The following TEX11 variants were observed in gnomAD, a reference collection of about 807,000 sequenced individuals.
The protein encoded by TEX11 is testis expressed 11, also known as testis-expressed protein 11.
Under a neutral mutation model 84.4 loss-of-function variants are expected in TEX11, and 7 were observed. That is an observed-to-expected ratio of 0.08 (90% CI 0.05 to 0.16). TEX11 has a LOEUF of 0.16. Ranked by LOEUF, TEX11 falls within the 10% of genes least tolerant of loss-of-function variation. The pLI is 1.00. For missense variants in TEX11, 551 were observed against 660.5 expected, an observed-to-expected ratio of 0.83 and a Z score of 1.82; for synonymous variants, 264 against 222.8, an observed-to-expected ratio of 1.18 and a Z score of -1.64.
chrX:70,779,186 G>C (rs2091020738), intron 9 of TEX11, among the ~76,000 whole-genome samples: 1 of 110,975 alleles, frequency 9.0e-6, no homozygotes, highest in Non-Finnish European at 1.9e-5. Context: ...GGAGGCCGAG[G>C]TGGGTGGATC....
chrX:70,624,087 C>T, intron 19 of TEX11, 81 bp from the exon 20 acceptor site: 1 of 726,518 alleles, frequency 1.4e-6, no homozygotes, highest in Non-Finnish European at 2.0e-6. Context: ...AGTTACTAAC[C>T]TTGATTACTC....
intron 9 of TEX11, among the ~76,000 whole-genome samples, chrX:70,782,894 C>A (rs1316519783): frequency 9.0e-6 from 1 of 110,572 alleles, no homozygotes; most frequent in East Asian, 2.8e-4. Context: ...GACTTTAACA[C>A]CCCACTGTCA....
chrX:70,566,584 AC>A (rs2088483651), intron 25 of TEX11, among the ~76,000 whole-genome samples: 2 of 111,186 alleles, frequency 1.8e-5, no homozygotes, highest in Admixed American at 9.6e-5. Flanking sequence ...TCCCATCAAT[AC>A]CTAATTTATT....
At chrX:70,568,564 T>G (rs2088532228) in intron 25 of TEX11, among the ~76,000 whole-genome samples, 1 of 111,417 alleles carries the variant, frequency 9.0e-6, no homozygotes. Flanking sequence ...TTTCCATGTT[T>G]AGTGCTTCCT....
At chrX:70,882,480 G>A (rs752409997) in intron 2 of TEX11, among the ~76,000 whole-genome samples, 38 of 110,547 alleles carry the variant, frequency 3.4e-4, no homozygotes, top group African/African-American at 1.1e-3. Context: ...ACCAATATAC[G>A]TTTTAAAAAA....
At chrX:70,798,027 G>GA (rs1422020514) in intron 9 of TEX11, among the ~76,000 whole-genome samples, 1 of 28,349 alleles carries the variant, frequency 3.5e-5, no homozygotes, top group East Asian at 5.0e-3. Context: ...GGCAAGATGA[G>GA]GGGGGGGGAA....
At chrX:70,570,359 C>G (rs1285840667) in intron 25 of TEX11, among the ~76,000 whole-genome samples, 1 of 112,297 alleles carries the variant, frequency 8.9e-6, no homozygotes, top group Admixed American at 9.4e-5. Flanking sequence ...TTGCACTTCC[C>G]AAGTGACGCA....
chrX:70,616,477 C>A (rs187777931), intron 20 of TEX11, among the ~76,000 whole-genome samples: 3 of 111,538 alleles, frequency 2.7e-5, no homozygotes, highest in African/African-American at 9.7e-5. Flanking sequence ...GAAGTTAAAT[C>A]ATACCACCAG....
At chrX:70,872,542 G>T (rs780832041) in intron 4 of TEX11, among the ~76,000 whole-genome samples, 1 of 112,347 alleles carries the variant, frequency 8.9e-6, no homozygotes, top group Admixed American at 9.5e-5. Context: ...TCCCATAAAT[G>T]CATTTGCTGT....
intron 20 of TEX11, 51 bp from the exon 21 acceptor site, chrX:70,610,594 A>G (rs1260138596): frequency 3.6e-6 from 4 of 1,110,857 alleles, no homozygotes; most frequent in African/African-American, 3.7e-5. Flanking sequence ...CTTTACTATA[A>G]AACATAACTA....
At chrX:70,778,930 C>T (rs1021074878) in intron 9 of TEX11, among the ~76,000 whole-genome samples, 1 of 110,661 alleles carries the variant, frequency 9.0e-6, no homozygotes, top group Non-Finnish European at 1.9e-5. Context: ...AATTTAAAAG[C>T]ATCTAGAGGT....
chrX:70,515,875 T>C, the TEX11 span, among the ~76,000 whole-genome samples: 2 of 112,755 alleles, frequency 1.8e-5, no homozygotes, highest in Admixed American at 1.9e-4. Context: ...TGACCAGTGA[T>C]GATGAGCATT....
chrX:70,710,399 A>G (rs1185890650), intron 13 of TEX11, among the ~76,000 whole-genome samples: 1 of 111,892 alleles, frequency 8.9e-6, no homozygotes, highest in African/African-American at 3.2e-5. Flanking sequence ...CTTAGTTGCC[A>G]TAAAAGTGTT....
intron 17 of TEX11, among the ~76,000 whole-genome samples, 182 bp from the exon 18 acceptor site, chrX:70,629,917 C>A (rs1318927690): frequency 8.9e-6 from 1 of 111,905 alleles, no homozygotes; most frequent in African/African-American, 3.2e-5. Context: ...GAAAAATGCC[C>A]AACTGAGCAA....
chrX:70,704,593 T>C (rs1043238505), intron 13 of TEX11, among the ~76,000 whole-genome samples: 1 of 111,371 alleles, frequency 9.0e-6, no homozygotes, highest in South Asian at 3.8e-4. Flanking sequence ...TTATACCAGC[T>C]CCTCCAGGAC....
rs756693010 is a variant in TEX11 at position 70,796,818 on chromosome X, T to G, written c.692+9887A>C. On this transcript the variant is annotated intron_variant, in intron 9 of 29. Coordinates refer to ENST00000374333, the MANE Select transcript of TEX11 (RefSeq NM_031276.3). ...GGTTAAAAAGACATGAACAGACAAT[T>G]CTCAAAAGAAGACATACAAGTGGTC... Among the ~76,000 whole-genome samples the G allele has an allele frequency of 6.3e-5, 7 of 111,720 alleles. No homozygotes were observed. In the South Asian group the frequency reaches 2.6e-3, roughly 42 times the overall value.
At chrX:70,750,358 A>T (rs928814813) in intron 9 of TEX11, among the ~76,000 whole-genome samples, 4 of 111,799 alleles carry the variant, frequency 3.6e-5, no homozygotes, top group Non-Finnish European at 7.5e-5. Flanking sequence ...TGTGGAAGTC[A>T]GTGTGGTGAT....
At chrX:70,895,304 A>G (rs2091760859) in intron 2 of TEX11, among the ~76,000 whole-genome samples, 1 of 111,729 alleles carries the variant, frequency 9.0e-6, no homozygotes, top group Admixed American at 9.6e-5. Context: ...ATCTAGGAAT[A>G]CAACTTACAA....
chrX:70,785,911 C>T (rs887569710), intron 9 of TEX11, among the ~76,000 whole-genome samples: 14 of 111,919 alleles, frequency 1.3e-4, no homozygotes, highest in African/African-American at 2.9e-4. Flanking sequence ...GACAGTGTGG[C>T]GATTCCTCAA....
Sources: gnomAD v4.1 joint callset for allele counts (sites outside exome capture counted in the v4.1 genomes callset) on GRCh38, gnomAD v4.1.1 for gene constraint, MANE v1.5 for transcripts, NCBI Gene and HGNC (gene_info 2026-07-23, HGNC 2026-07-21) for gene names.